The following GRHL2 variants were observed in gnomAD, a reference collection of about 807,000 sequenced individuals.
GRHL2 encodes the protein grainyhead-like protein 2 homolog.
In GRHL2, 21 loss-of-function variants were observed where a neutral mutation model predicts 83.8. The observed-to-expected ratio is 0.25, with a 90% confidence interval of 0.18 to 0.36. GRHL2 has a LOEUF of 0.36. Ranked by LOEUF, GRHL2 falls within the 10% of genes least tolerant of loss-of-function variation. The pLI is 1.00. For missense variants in GRHL2, 623 were observed against 781.8 expected, an observed-to-expected ratio of 0.80 and a Z score of 2.42; for synonymous variants, 280 against 278.9, an observed-to-expected ratio of 1.00 and a Z score of -0.04.
At chr8:101,614,444 G>A (rs1455268868) in intron 8 of GRHL2, among the ~76,000 whole-genome samples, 2 of 150,404 alleles carry the variant, frequency 1.3e-5, no homozygotes, top group Non-Finnish European at 2.9e-5. Flanking sequence ...AAGTAAGAGA[G>A]GTTTTAAAAA....
At chr8:101,503,422 C>G (rs1201923964) in intron 1 of GRHL2, among the ~76,000 whole-genome samples, 1 of 152,080 alleles carries the variant, frequency 6.6e-6, no homozygotes, top group Non-Finnish European at 1.5e-5. Context: ...TAAGAAAATA[C>G]AGATGATATA....
In GRHL2 at chr8:101,668,138, A is replaced by G. The variant is rs1417662766; in HGVS notation, c.*1435A>G. ...ACATGCCCTGGGAGCTGGAAGAGAA[A>G]AACACTCCCCTAAACAATCGCAAAA... On this transcript the variant is annotated 3_prime_UTR_variant, in exon 16 of 16. Coordinates refer to ENST00000646743, the MANE Select transcript of GRHL2 (RefSeq NM_024915.4). The G allele has an allele frequency of 6.6e-6, 1 of 152,472 alleles. No individual in the cohort carries two copies. Among genetic ancestry groups the G allele is most frequent in the Non-Finnish European group, 1.5e-5 (1 of 68,074 alleles). The allele number at this position is 152,472 out of a possible 1,614,324, so 9.4% of individuals were successfully genotyped here.
intron 1 of GRHL2, among the ~76,000 whole-genome samples, chr8:101,541,732 T>G (rs1275015573): frequency 1.3e-5 from 2 of 152,150 alleles, no homozygotes; most frequent in African/African-American, 4.8e-5. Context: ...GGCTCTGTTA[T>G]TTGATAGCCG....
At chr8:101,579,836 C>T (rs892659477) in intron 7 of GRHL2, among the ~76,000 whole-genome samples, 13 of 152,174 alleles carry the variant, frequency 8.5e-5, no homozygotes, top group African/African-American at 2.9e-4. Context: ...TCTGAGGTCA[C>T]TCTTTGTCTC....
chr8:101,626,887 T>A (rs1813092452), intron 9 of GRHL2, among the ~76,000 whole-genome samples: 1 of 152,068 alleles, frequency 6.6e-6, no homozygotes, highest in African/African-American at 2.4e-5. Flanking sequence ...TTTAATGGAA[T>A]GTATCGAAGC....
intron 14 of GRHL2, among the ~76,000 whole-genome samples, chr8:101,654,957 C>A (rs1446199482): frequency 6.6e-6 from 1 of 152,090 alleles, no homozygotes; most frequent in Non-Finnish European, 1.5e-5. Context: ...TTGAGGCGGG[C>A]AGATCACCTG....
At chr8:101,492,999 C>T (rs1241163966) in intron 1 of GRHL2, 4 of 623,442 alleles carry the variant, frequency 6.4e-6, no homozygotes, top group South Asian at 2.0e-5. Flanking sequence ...TTAATATCCC[C>T]TTTGGGCCTT....
intron 12 of GRHL2, among the ~76,000 whole-genome samples, chr8:101,638,978 C>T (rs913333916): frequency 2.0e-5 from 3 of 151,912 alleles, no homozygotes; most frequent in Admixed American, 6.5e-5. Context: ...GAGCATCTTG[C>T]GTAAGATCTC....
At chr8:101,497,873 A>G (rs1316811366) in intron 1 of GRHL2, among the ~76,000 whole-genome samples, 1 of 152,204 alleles carries the variant, frequency 6.6e-6, no homozygotes, top group Non-Finnish European at 1.5e-5. Flanking sequence ...TGATTTTAAC[A>G]TGGATATAAG....
In GRHL2 at chr8:101,509,144, TCC is replaced by T. The variant is rs1296618166; in HGVS notation, c.20+16356_20+16357del. ...TTCCTTCCTTCCTTCCTTCCTTCCT[TCC>T]TTCCTTCCTTCCTTTCTTTCTTTCT... On this transcript the variant is annotated intron_variant, in intron 1 of 15. Coordinates refer to ENST00000646743, the MANE Select transcript of GRHL2 (RefSeq NM_024915.4). Among the ~76,000 whole-genome samples the T allele has an allele frequency of 5.7e-3, 449 of 78,200 alleles. 8 individuals carry two copies. The highest frequency in any genetic ancestry group is 0.012 in the East Asian group (53 of 4,276). 51.3% of individuals were successfully genotyped at this position (78,200 alleles called of 152,430 possible). A position where few individuals can be genotyped will look rare whatever the true frequency, so the allele number is the denominator to read the frequency against.
intron 1 of GRHL2, among the ~76,000 whole-genome samples, chr8:101,519,812 C>T (rs1200663115): frequency 6.6e-6 from 1 of 152,056 alleles, no homozygotes; most frequent in Non-Finnish European, 1.5e-5. Flanking sequence ...GCTTTCTCCC[C>T]CATCTACTCA....
intron 1 of GRHL2, among the ~76,000 whole-genome samples, chr8:101,496,939 C>T (rs898630258): frequency 6.6e-6 from 1 of 152,174 alleles, no homozygotes; most frequent in African/African-American, 2.4e-5. Context: ...AATAAATTAA[C>T]ATGATCAGTT....
chr8:101,522,762 T>C (rs989197702), intron 1 of GRHL2, among the ~76,000 whole-genome samples: 2 of 150,770 alleles, frequency 1.3e-5, no homozygotes, highest in Admixed American at 6.6e-5. Context: ...CACACACATA[T>C]ACATATATAT....
chr8:101,583,102 T>C (rs1357762812), intron 7 of GRHL2, among the ~76,000 whole-genome samples: 1 of 152,214 alleles, frequency 6.6e-6, no homozygotes, highest in Admixed American at 6.5e-5. Context: ...TCAAATAGAA[T>C]ACTGTGACAA....
At chr8:101,675,720 A>C in the GRHL2 span, among the ~76,000 whole-genome samples, 1 of 152,152 alleles carries the variant, frequency 6.6e-6, no homozygotes, top group Non-Finnish European at 1.5e-5. Flanking sequence ...TTTAAAGTTC[A>C]TATGGAACCA....
chr8:101,626,911 T>C (rs1300095039), intron 9 of GRHL2, among the ~76,000 whole-genome samples: 1 of 152,058 alleles, frequency 6.6e-6, no homozygotes. Flanking sequence ...CCGGGGTCAC[T>C]GTGAAGTCAA....
intron 14 of GRHL2, among the ~76,000 whole-genome samples, chr8:101,663,252 G>A (rs1461575133): frequency 1.3e-5 from 2 of 152,110 alleles, no homozygotes; most frequent in African/African-American, 2.4e-5. Context: ...GTAACAATAT[G>A]GAATATGAGA....
intron 7 of GRHL2, among the ~76,000 whole-genome samples, chr8:101,593,800 T>C (rs1172942090): frequency 6.6e-6 from 1 of 151,648 alleles, no homozygotes; most frequent in Non-Finnish European, 1.5e-5. Flanking sequence ...GCATGGTGGC[T>C]CACACCTGTA....
chr8:101,579,924 C>A (rs996810347), intron 7 of GRHL2, among the ~76,000 whole-genome samples: 22 of 152,198 alleles, frequency 1.4e-4, no homozygotes, highest in African/African-American at 4.8e-4. Context: ...CGTACATTTG[C>A]TAGTTTTGGT....
Sources: gnomAD v4.1 joint callset for allele counts (sites outside exome capture counted in the v4.1 genomes callset) on GRCh38, gnomAD v4.1.1 for gene constraint, MANE v1.5 for transcripts, NCBI Gene and HGNC (gene_info 2026-07-23, HGNC 2026-07-21) for gene names.